Variants in PDE4D observed in about 807,000 individuals in gnomAD.
PDE4D encodes the protein phosphodiesterase 4D, also known as 3',5'-cyclic-AMP phosphodiesterase 4D.
A neutral mutation model predicts 87.4 loss-of-function variants in PDE4D; 24 were observed. That is an observed-to-expected ratio of 0.27 (90% CI 0.20 to 0.39). The LOEUF (loss-of-function observed/expected upper bound fraction) is 0.39. Ranked by LOEUF, PDE4D falls within the 10% of genes least tolerant of loss-of-function variation. The pLI is 1.00. For synonymous variants in PDE4D, 384 were observed against 383.2 expected, an observed-to-expected ratio of 1.00 and a Z score of -0.02; for missense variants, 714 against 1,041.0, an observed-to-expected ratio of 0.69 and a Z score of 4.32.
chr5:59,252,837 T>C (rs1159681515), intron 1 of PDE4D, among the ~76,000 whole-genome samples: 1 of 152,108 alleles, frequency 6.6e-6, no homozygotes, highest in Non-Finnish European at 1.5e-5. Context: ...AGCCATCATC[T>C]AGATTTTAAA....
chr5:59,065,573 T>C (rs112614793), intron 5 of PDE4D, among the ~76,000 whole-genome samples: 4,168 of 152,268 alleles, frequency 0.027, 80 homozygotes, highest in Non-Finnish European at 0.042. Context: ...GCATTGATTG[T>C]AATGGTGGTT....
intron 1 of PDE4D, among the ~76,000 whole-genome samples, chr5:59,718,020 G>A (rs1184780162): frequency 1.3e-5 from 2 of 152,140 alleles, no homozygotes; most frequent in Non-Finnish European, 2.9e-5. Flanking sequence ...ATTCAGTACT[G>A]TTGGTTTGGT....
At chr5:59,236,538 G>A (rs930503785) in intron 1 of PDE4D, among the ~76,000 whole-genome samples, 3 of 152,114 alleles carry the variant, frequency 2.0e-5, no homozygotes, top group African/African-American at 4.8e-5. Flanking sequence ...TGAGAACACC[G>A]GACTTGCTGA....
chr5:59,900,865 T>C (rs776342854), intron 3 of PDE4D, among the ~76,000 whole-genome samples: 18 of 152,166 alleles, frequency 1.2e-4, no homozygotes, highest in Non-Finnish European at 1.6e-4. Context: ...TAAAACTGTA[T>C]AAAGATCTTT....
At chr5:59,889,891 G>T (rs1750705765) in intron 1 of PDE4D, among the ~76,000 whole-genome samples, 1 of 152,066 alleles carries the variant, frequency 6.6e-6, no homozygotes. Flanking sequence ...AATCTACCTT[G>T]TTTGACAGAC....
rs2153562593 is a variant in PDE4D, at chr5:59,305,579, A to G, written c.456-89611T>C. Among the ~76,000 whole-genome samples the G allele has an allele frequency of 1.3e-5, 2 of 152,228 alleles. 1 individual carries two copies. Among genetic ancestry groups the G allele is most frequent in the South Asian group, 4.1e-4 (2 of 4,828 alleles). ...CTTAGCACCACCTTTGCTGTATCCC[A>G]GAGGTTTTGATAAGTTGTGTCATTA... On this transcript the variant is annotated intron_variant, in intron 1 of 14. Transcript: ENST00000340635.
intron 1 of PDE4D, among the ~76,000 whole-genome samples, chr5:60,425,707 T>A (rs1013028292): frequency 6.6e-6 from 1 of 152,118 alleles, no homozygotes; most frequent in African/African-American, 2.4e-5. Flanking sequence ...CTAAAGAGCT[T>A]CGGCATGGCA....
At chr5:59,098,067 T>G (rs1282550689) in intron 5 of PDE4D, among the ~76,000 whole-genome samples, 4 of 152,216 alleles carry the variant, frequency 2.6e-5, no homozygotes. Flanking sequence ...TTTTTTAAAT[T>G]CTGTGGTTTT....
intron 1 of PDE4D, among the ~76,000 whole-genome samples, chr5:60,456,674 A>G (rs1046879974): frequency 5.9e-5 from 9 of 152,172 alleles, no homozygotes; most frequent in African/African-American, 2.2e-4. Context: ...CCAAACAGAG[A>G]GTAAAGTTTT....
intron 2 of PDE4D, among the ~76,000 whole-genome samples, chr5:60,176,948 CAT>C (rs1458414607): frequency 1.3e-5 from 2 of 152,058 alleles, no homozygotes; most frequent in Non-Finnish European, 2.9e-5. Flanking sequence ...AGAAGAAAGA[CAT>C]TTCACTGTGG....
intron 1 of PDE4D, among the ~76,000 whole-genome samples, chr5:60,322,367 T>TACACACACAC (rs60232413): frequency 1.1e-4 from 14 of 132,800 alleles, no homozygotes; most frequent in East Asian, 2.4e-4. Context: ...TGGACACACA[T>TACACACACAC]ACACACACAC....
intron 1 of PDE4D, among the ~76,000 whole-genome samples, chr5:59,841,852 A>C (rs1743055788): frequency 6.6e-6 from 1 of 152,060 alleles, no homozygotes; most frequent in Non-Finnish European, 1.5e-5. Context: ...AGCAAGGTCC[A>C]CTCAAGAAGC....
intron 1 of PDE4D, among the ~76,000 whole-genome samples, chr5:59,243,122 G>C (rs553978516): frequency 6.6e-6 from 1 of 152,034 alleles, no homozygotes; most frequent in Non-Finnish European, 1.5e-5. Context: ...AATGATTCTC[G>C]TTTTTACTAT....
At chr5:59,389,370 T>C (rs1787772812) in intron 1 of PDE4D, among the ~76,000 whole-genome samples, 1 of 151,690 alleles carries the variant, frequency 6.6e-6, no homozygotes, top group African/African-American at 2.4e-5. Context: ...GTTTAAAATA[T>C]CATTAATTAT....
intron 1 of PDE4D, among the ~76,000 whole-genome samples, chr5:60,380,687 T>C (rs958044097): frequency 1.3e-5 from 2 of 152,180 alleles, no homozygotes; most frequent in African/African-American, 2.4e-5. Context: ...AGTTCACTGA[T>C]ATGGGAAGCT....
At chr5:59,916,708 C>T (rs1168544711) in intron 3 of PDE4D, among the ~76,000 whole-genome samples, 1 of 152,070 alleles carries the variant, frequency 6.6e-6, no homozygotes. Context: ...ATATTGGCAA[C>T]ATTTAGTAAA....
intron 1 of PDE4D, among the ~76,000 whole-genome samples, chr5:59,440,401 C>T (rs1427165998): frequency 1.3e-5 from 2 of 152,174 alleles, no homozygotes; most frequent in African/African-American, 4.8e-5. Context: ...GTTACAAATG[C>T]ATAGAATAGT....
rs1772313882 is a variant in PDE4D at position 59,109,929 on chromosome 5, A to G, written c.808+70666T>C. Among the ~76,000 whole-genome samples, 3 of 152,058 alleles carry G rather than the reference A, an allele frequency of 2.0e-5. No homozygotes were observed. In the South Asian group the frequency reaches 6.2e-4, roughly 32 times the overall value. The stretch of plus-strand genomic sequence containing the variant: ...GGCAAGTAAATCAAAGACAAAGGAG[A>G]CTTGCCTTGTGCTGCCCATGGAGAG... On this transcript the variant is annotated intron_variant, in intron 5 of 14. Coordinates refer to ENST00000340635, the MANE Select transcript of PDE4D (RefSeq NM_001104631.2).
Position 59,006,588 on chromosome 5 carries a change from G to GAA in PDE4D, c.922-13125_922-13124dup, listed in dbSNP as rs71604771. Among the ~76,000 whole-genome samples, 231 of 148,790 alleles carry GAA rather than the reference G, an allele frequency of 1.6e-3. 1 individual carries two copies. Among genetic ancestry groups the GAA allele is most frequent in the African/African-American group, 5.4e-3 (220 of 40,470 alleles). On this transcript the variant is annotated intron_variant, in intron 6 of 14. Transcript: ENST00000340635. Reference sequence around the variant, plus strand: ...CAGAGCAAGACCTTGTCTCAAAAAAGAAAAAAAAAATTCCCATAATGTTCA... The same window carrying GAA: ...CAGAGCAAGACCTTGTCTCAAAAAAGAAAAAAAAAAAATTCCCATAATGTTCA...
Sources: gnomAD v4.1 joint callset for allele counts (sites outside exome capture counted in the v4.1 genomes callset) on GRCh38, gnomAD v4.1.1 for gene constraint, MANE v1.5 for transcripts, NCBI Gene and HGNC (gene_info 2026-07-23, HGNC 2026-07-21) for gene names.